GALNT14: variants seen among roughly 807,000 people sequenced by gnomAD.
The protein encoded by GALNT14 is UDP-GalNAc:polypeptide N-acetylgalactosaminyltransferase 14.
GALNT14 carries 60 observed loss-of-function variants against 77.5 expected under a neutral mutation model. The ratio of observed to expected loss-of-function variants is 0.77; its 90% CI spans 0.63 to 0.96. The LOEUF is 0.96. Ranked by LOEUF, GALNT14 falls within the 40% of genes least tolerant of loss-of-function variation. The pLI, the probability that GALNT14 is intolerant of heterozygous loss-of-function variation, is 0.00. For missense variants in GALNT14, 710 were observed against 731.0 expected (o/e 0.97, Z 0.33); for synonymous variants, 280 against 281.7 (o/e 0.99, Z 0.06).
intron 11 of GALNT14, among the ~76,000 whole-genome samples, chr2:30,928,490 C>A (rs189018168): frequency 4.3e-4 from 65 of 152,242 alleles, no homozygotes; most frequent in African/African-American, 1.5e-3. Flanking sequence ...AGAAGCTTAA[C>A]CTGTAGAAGC....
chr2:30,938,569 C>T (rs552752616), intron 9 of GALNT14, among the ~76,000 whole-genome samples: 1 of 152,342 alleles, frequency 6.6e-6, no homozygotes, highest in East Asian at 1.9e-4. Flanking sequence ...ATTTCCCTAA[C>T]ATCTGCTCAT....
chr2:31,030,078 G>GTCC (rs2148477990), intron 1 of GALNT14, among the ~76,000 whole-genome samples: 1 of 152,310 alleles, frequency 6.6e-6, no homozygotes, highest in East Asian at 1.9e-4. Flanking sequence ...TAGACTGTGA[G>GTCC]CAGCTGGAGA....
chr2:31,047,634 G>T (rs895948211), intron 1 of GALNT14, among the ~76,000 whole-genome samples: 2 of 152,198 alleles, frequency 1.3e-5, no homozygotes, highest in African/African-American at 4.8e-5. Context: ...TGACCTTGAG[G>T]GGTTCCTTTC....
At chr2:30,929,270 A>G in intron 11 of GALNT14, 125 bp downstream of exon 11, 1 of 642,108 alleles carries the variant, frequency 1.6e-6, no homozygotes, top group Non-Finnish European at 2.7e-6. Context: ...AAGAAGCCAC[A>G]GCCTTGGGCC....
chr2:31,018,588 G>C (rs995545922), intron 1 of GALNT14, among the ~76,000 whole-genome samples: 1 of 152,162 alleles, frequency 6.6e-6, no homozygotes, highest in African/African-American at 2.4e-5. Flanking sequence ...TAAAATTTGA[G>C]ATGAGATTTG....
intron 6 of GALNT14, 57 bp from the exon 7 acceptor site, chr2:30,945,927 G>C (rs1328631068): frequency 1.3e-6 from 2 of 1,488,798 alleles, no homozygotes; most frequent in Non-Finnish European, 1.9e-6. Context: ...TGGGAGTCAG[G>C]GAGCTTGGGA....
Position 31,119,718 on chromosome 2 carries a change from T to C in GALNT14, c.129+18240A>G, listed in dbSNP as rs139566669. Among the ~76,000 whole-genome samples, 391 of 152,354 alleles carry C rather than the reference T, an allele frequency of 2.6e-3. 1 individual carries two copies. The highest frequency in any genetic ancestry group is 3.8e-3 in the Non-Finnish European group (257 of 68,040). ...AGTTATACTTCAGAAGCAAAAGCTC[T>C]AACATGTAAGAATATGTGTACATAG... On this transcript the variant is annotated intron_variant, in intron 1 of 14. Transcript: ENST00000349752.
intron 1 of GALNT14, among the ~76,000 whole-genome samples, chr2:31,016,262 A>T (rs1432925796): frequency 6.6e-6 from 1 of 151,982 alleles, no homozygotes; most frequent in Non-Finnish European, 1.5e-5. Flanking sequence ...TACATCCCCA[A>T]TGTCTCTTTC....
At chr2:31,090,137 G>C (rs2148597315) in intron 1 of GALNT14, among the ~76,000 whole-genome samples, 1 of 152,262 alleles carries the variant, frequency 6.6e-6, no homozygotes, top group African/African-American at 2.4e-5. Flanking sequence ...AAAAGTATCA[G>C]GCCAACCCAC....
At chr2:30,919,456 T>G (rs1332947548) in intron 13 of GALNT14, among the ~76,000 whole-genome samples, 2 of 152,178 alleles carry the variant, frequency 1.3e-5, no homozygotes, top group Admixed American at 1.3e-4. Flanking sequence ...CCCCAGAGCC[T>G]GGGGCTCACC....
chr2:31,109,679 A>G (rs1218098636), intron 1 of GALNT14, among the ~76,000 whole-genome samples: 1 of 152,216 alleles, frequency 6.6e-6, no homozygotes, highest in Admixed American at 6.5e-5. Context: ...ACAATCATTA[A>G]ACATCTCTCT....
chr2:31,079,840 C>T (rs1676048844), intron 1 of GALNT14, among the ~76,000 whole-genome samples: 1 of 152,172 alleles, frequency 6.6e-6, no homozygotes, highest in South Asian at 2.1e-4. Flanking sequence ...TAGCTCAGCC[C>T]CTACTGTGGC....
intron 1 of GALNT14, among the ~76,000 whole-genome samples, chr2:31,090,479 ATCT>A: frequency 8.8e-6 from 1 of 114,092 alleles, no homozygotes; most frequent in East Asian, 2.5e-4. Context: ...CAGTCCCTTC[ATCT>A]TTTTTTTTTT....
rs151006712 is a variant in GALNT14, at chr2:30,987,560, G to A, written c.299+5278C>T. Among the ~76,000 whole-genome samples the A allele has an allele frequency of 1.4e-3, 214 of 152,280 alleles. 2 individuals carry two copies. In the East Asian group the frequency reaches 0.036, roughly 26 times the overall value. On this transcript the variant is annotated intron_variant, in intron 2 of 14. Coordinates refer to ENST00000349752, the MANE Select transcript of GALNT14 (RefSeq NM_024572.4). ...GGCTACTCGCTTCCATTCCAGATAC[G>A]GAAATTAAGCCCCCAGGCCTCTCTG...
In GALNT14 at chr2:31,097,456, C is replaced by T. The variant is rs190521559; in HGVS notation, c.129+40502G>A. Reference sequence around the variant, plus strand: ...TTGAGCACCTAAGATGTGCTCTAGGCATGTGAGATATGAAGGCAAGGCAGA... The same window carrying T: ...TTGAGCACCTAAGATGTGCTCTAGGTATGTGAGATATGAAGGCAAGGCAGA... On this transcript the variant is annotated intron_variant, in intron 1 of 14. Transcript: ENST00000349752. Among the ~76,000 whole-genome samples, 367 of 150,116 alleles carry T rather than the reference C, an allele frequency of 2.4e-3. 2 individuals are homozygous for T. The highest frequency in any genetic ancestry group is 8.6e-3 in the African/African-American group (349 of 40,740).
intron 9 of GALNT14, among the ~76,000 whole-genome samples, chr2:30,937,815 G>A (rs1666144796): frequency 6.6e-6 from 1 of 152,112 alleles, no homozygotes; most frequent in Admixed American, 6.5e-5. Context: ...CAGGGATTAG[G>A]GTGTGGACAT....
chr2:30,938,382 A>ACTCTCTCTCTCTCT (rs1308784183), intron 9 of GALNT14, among the ~76,000 whole-genome samples: 10 of 143,510 alleles, frequency 7.0e-5, no homozygotes, highest in African/African-American at 2.9e-4. Flanking sequence ...ACACACACAC[A>ACTCTCTCTCTCTCT]CACTCTCTCT....
the GALNT14 span, among the ~76,000 whole-genome samples, chr2:30,892,708 T>C: frequency 6.6e-6 from 1 of 152,198 alleles, no homozygotes; most frequent in Non-Finnish European, 1.5e-5. Flanking sequence ...CTACCCATTG[T>C]GTGGGTATGG....
chr2:30,992,806 G>A (rs758089203), intron 2 of GALNT14, 32 bp downstream of exon 2: 10 of 1,605,754 alleles, frequency 6.2e-6, no homozygotes, highest in East Asian at 2.2e-5. Flanking sequence ...TTTTGACTGC[G>A]GGGGTAACAG....
Sources: allele counts gnomAD v4.1 joint callset (sites outside exome capture counted in the v4.1 genomes callset), GRCh38; gene constraint gnomAD v4.1.1; transcripts MANE v1.5; gene names NCBI Gene and HGNC (gene_info 2026-07-23, HGNC 2026-07-21).